Variants in DOC2B observed in about 807,000 individuals in gnomAD.
DOC2B encodes the protein double C2-like domain-containing protein beta.
A neutral mutation model predicts 28.9 loss-of-function variants in DOC2B; 21 were observed. That is an observed-to-expected ratio of 0.73 (90% CI 0.52 to 1.05). DOC2B has a LOEUF of 1.05. DOC2B is among the 50% of genes least tolerant of loss of function. DOC2B has a pLI of 0.00. For missense variants in DOC2B, 384 were observed against 421.1 expected (o/e 0.91, Z 0.77); for synonymous variants, 194 against 178.1 (o/e 1.09, Z -0.71).
chr17:151,234 C>CA (rs1476297619), intron 6 of DOC2B, among the ~76,000 whole-genome samples: 1 of 152,094 alleles, frequency 6.6e-6, no homozygotes, highest in African/African-American at 2.4e-5. Flanking sequence ...TGCGCCACTG[C>CA]ACTTTGGCCT....
intron 2 of DOC2B, 93 bp downstream of exon 2, chr17:172,444 G>A (rs2040323221): frequency 2.9e-6 from 3 of 1,025,708 alleles, no homozygotes; most frequent in Non-Finnish European, 4.3e-6. Context: ...GCCTGGACAG[G>A]AACCTGGGGA....
chr17:161,447 T>G lies in DOC2B; in HGVS notation c.733A>C (p.Thr245Pro). 1 of 1,551,478 alleles carries G rather than the reference T, an allele frequency of 6.4e-7. No individual in the cohort carries two copies. The highest frequency in any genetic ancestry group is 8.7e-7 in the Non-Finnish European group (1 of 1,146,938). ...LKKLKPNHTK[T>P]FSICLEKQLP... Reference sequence around the variant, plus strand: ...TGCTTCTCCAGGCAGATGCTGAAGGTCTTGGTGTGGTTGGGTTTCAGCTTC... The same window carrying G: ...TGCTTCTCCAGGCAGATGCTGAAGGGCTTGGTGTGGTTGGGTTTCAGCTTC... Residue 245 changes from threonine to proline, a missense_variant, in exon 5 of 9, where the codon ACC becomes CCC. Physicochemically the swap from Thr to Pro is conservative, Grantham distance 38. Transcript: ENST00000613549.
intron 1 of DOC2B, among the ~76,000 whole-genome samples, chr17:173,257 T>C (rs549628906): frequency 6.6e-6 from 1 of 151,986 alleles, no homozygotes; most frequent in Non-Finnish European, 1.5e-5. Flanking sequence ...CAGCCATAAT[T>C]GGGTGCAGCT....
At position 143,845 on chromosome 17, in the gene DOC2B, T is replaced by C. The variant is rs1487159497; in HGVS notation, c.*3596A>G. ...GAGGACAGTGTCTGCAGCCGTCACA[T>C]GGCAGCAAAACGGGGTTAAGCAGTG... On this transcript the variant is annotated 3_prime_UTR_variant, in exon 9 of 9. Coordinates refer to ENST00000613549, the MANE Select transcript of DOC2B (RefSeq NM_003585.5). The C allele has an allele frequency of 6.6e-6, 1 of 152,210 alleles. No individual in the cohort carries two copies. Among genetic ancestry groups the C allele is most frequent in the African/African-American group, 2.4e-5 (1 of 41,452 alleles). 9.4% of individuals were successfully genotyped at this position (152,210 alleles called of 1,614,324 possible).
In DOC2B at chr17:147,352, G is replaced by A. The variant is rs2040026962; in HGVS notation, c.*89C>T. The A allele has an allele frequency of 5.0e-6, 2 of 398,104 alleles. No homozygotes were observed. The highest frequency in any genetic ancestry group is 4.4e-5 in the Admixed American group (1 of 22,694). 24.7% of individuals were successfully genotyped at this position (398,104 alleles called of 1,614,324 possible). A position where few individuals can be genotyped will look rare whatever the true frequency, so the allele number is the denominator to read the frequency against. On this transcript the variant is annotated 3_prime_UTR_variant, in exon 9 of 9. Transcript: ENST00000613549. Reference sequence around the variant, plus strand: ...GGGTTCTGGATCTCCCCCAGTGTGGGGGCCACAGGCCTTGGTGGCTGCTGG... The same window carrying A: ...GGGTTCTGGATCTCCCCCAGTGTGGAGGCCACAGGCCTTGGTGGCTGCTGG...
intron 2 of DOC2B, among the ~76,000 whole-genome samples, chr17:171,906 G>C (rs1314638187): frequency 1.8e-3 from 206 of 111,488 alleles, no homozygotes; most frequent in African/African-American, 7.1e-3. Flanking sequence ...CCAGGGGCCG[G>C]GCCAGGCTGC....
rs958304595 is a variant in DOC2B, at chr17:164,157, C to T, written c.501G>A (p.Lys167=). Residue 167 remains lysine, a synonymous_variant, in exon 3 of 9, where the codon AAG becomes AAA. Transcript: ENST00000613549. ...TACTGGCTCCTGGCAGCAGGTGCAG[C>T]TTGACGTAGGGGTCTGCCAGCCCAT... ...DHNGLADPYV[K]LHLLPGASKA... is the part of the protein sequence containing the mutation. 6 of 1,553,686 alleles carry T rather than the reference C, an allele frequency of 3.9e-6. No homozygotes were observed. In the Admixed American group the frequency reaches 7.8e-5, roughly 20 times the overall value.
intron 2 of DOC2B, among the ~76,000 whole-genome samples, chr17:166,068 G>A (rs895892422): frequency 2.0e-5 from 3 of 152,118 alleles, no homozygotes; most frequent in East Asian, 1.9e-4. Context: ...ATGCTGGGAC[G>A]GGAGTGATGC....
chr17:164,078 T>A (rs762081173), intron 3 of DOC2B, 52 bp downstream of exon 3: 892 of 1,416,966 alleles, frequency 6.3e-4, no homozygotes, highest in Middle Eastern at 7.0e-4. Flanking sequence ...GTGCATTGCC[T>A]GAGGTGGTGG....
At chr17:165,721 C>T (rs966590875) in intron 2 of DOC2B, among the ~76,000 whole-genome samples, 1 of 152,170 alleles carries the variant, frequency 6.6e-6, no homozygotes, top group African/African-American at 2.4e-5. Context: ...AGTGGCCCAA[C>T]ACGTGCTCAA....
chr17:156,452 G>A (rs2040137022), intron 5 of DOC2B, 75 bp from the exon 6 acceptor site: 1 of 1,500,118 alleles, frequency 6.7e-7, no homozygotes, highest in Non-Finnish European at 9.0e-7. Context: ...TCCTCTTCCT[G>A]AGCCCGCCCA....
chr17:166,060 G>T (rs143331292), intron 2 of DOC2B, among the ~76,000 whole-genome samples: 2,320 of 152,252 alleles, frequency 0.015, 72 homozygotes, highest in African/African-American at 0.053. Flanking sequence ...GCGCTGTCAT[G>T]CTGGGACGGG....
rs562587513 is a variant in DOC2B at position 172,591 on chromosome 17, G to A, written c.399C>T (p.Ser133=). The A allele has an allele frequency of 4.5e-6, 7 of 1,550,986 alleles. No individual in the cohort carries two copies. In the East Asian group the frequency reaches 1.5e-4, roughly 33 times the overall value. ...CGTTGTTCTCCTGGTCATACAGCAG[G>A]CTGAAGTCCAGCGTGCCCAGGGCAG... The part of the protein sequence containing the change: ...DCTALGTLDF[S]LLYDQENNAL... The change falls in exon 2 of 9, where the codon AGC becomes AGT. Residue 133 remains serine, a synonymous_variant. Coordinates refer to ENST00000613549, the MANE Select transcript of DOC2B (RefSeq NM_003585.5).
intron 3 of DOC2B, chr17:163,711 A>G (rs1476120976): frequency 5.8e-6 from 1 of 172,306 alleles, no homozygotes; most frequent in Non-Finnish European, 1.3e-5. Flanking sequence ...GGAACAGCCC[A>G]TCAACACGTT....
intron 6 of DOC2B, 44 bp downstream of exon 6, chr17:156,176 G>C: frequency 6.6e-7 from 1 of 1,510,268 alleles, no homozygotes; most frequent in East Asian, 2.5e-5. Context: ...CCCCGTCCTT[G>C]GAGGTGAAGA....
intron 4 of DOC2B, 120 bp from the exon 5 acceptor site, chr17:161,661 G>T: frequency 6.8e-7 from 1 of 1,477,586 alleles, no homozygotes; most frequent in South Asian, 1.3e-5. Context: ...CTGGTCTGGG[G>T]TGGGAGACGC....
Position 144,876 on chromosome 17 carries a change from G to C in DOC2B, c.*2565C>G, listed in dbSNP as rs1452482583. On this transcript the variant is annotated 3_prime_UTR_variant, in exon 9 of 9. Transcript: ENST00000613549. Reference sequence around the variant, plus strand: ...GCCTAATAAGGAAGTCATGGTAGGTGGGGGGTACAGCCTCTTCTCGCTTTG... The same window carrying C: ...GCCTAATAAGGAAGTCATGGTAGGTCGGGGGTACAGCCTCTTCTCGCTTTG... The C allele has an allele frequency of 5.9e-5, 9 of 152,212 alleles. No individual in the cohort carries two copies. The highest frequency in any genetic ancestry group is 2.6e-4 in the Admixed American group (4 of 15,286). 9.4% of individuals were successfully genotyped at this position (152,212 alleles called of 1,614,324 possible).
At chr17:168,865 G>A (rs1319724248) in intron 2 of DOC2B, among the ~76,000 whole-genome samples, 3 of 152,262 alleles carry the variant, frequency 2.0e-5, no homozygotes, top group East Asian at 1.9e-4. Context: ...TCAGCCACGT[G>A]TAACGGCAAG....
intron 5 of DOC2B, among the ~76,000 whole-genome samples, chr17:159,828 G>A (rs750866897): frequency 1.4e-5 from 2 of 148,032 alleles, no homozygotes; most frequent in East Asian, 1.9e-4. Flanking sequence ...ACACACTGTC[G>A]CACACAGACA....
Sources: gnomAD v4.1 joint callset for allele counts (sites outside exome capture counted in the v4.1 genomes callset) on GRCh38, gnomAD v4.1.1 for gene constraint, MANE v1.5 for transcripts, NCBI Gene and HGNC (gene_info 2026-07-23, HGNC 2026-07-21) for gene names.